DOCK2: variants seen among roughly 807,000 people sequenced by gnomAD.
The protein encoded by DOCK2 is dedicator of cytokinesis 2, also known as dedicator of cytokinesis protein 2.
Under a neutral mutation model 248.9 loss-of-function variants are expected in DOCK2, and 87 were observed. The observed-to-expected ratio is 0.35, with a 90% CI of 0.29 to 0.42. The LOEUF (loss-of-function observed/expected upper bound fraction) is 0.42, where lower values mean the gene tolerates loss of function less well. Ranked by LOEUF, DOCK2 falls within the 10% of genes least tolerant of loss-of-function variation. The pLI is 1.00. For synonymous variants in DOCK2, 805 were observed against 821.6 expected, an observed-to-expected ratio of 0.98 and a Z score of 0.35; for missense variants, 1,747 against 2,300.2, an observed-to-expected ratio of 0.76 and a Z score of 4.92.
chr5:169,959,792 A>G (rs1777009884), intron 27 of DOCK2, among the ~76,000 whole-genome samples: 2 of 152,208 alleles, frequency 1.3e-5, no homozygotes, highest in Non-Finnish European at 2.9e-5. Context: ...ATCTAGAAGT[A>G]GTTCTGTGGA....
chr5:169,684,901 G>C (rs1313165351), intron 8 of DOCK2, among the ~76,000 whole-genome samples: 1 of 152,142 alleles, frequency 6.6e-6, no homozygotes, highest in Non-Finnish European at 1.5e-5. Flanking sequence ...CTCCCACCTT[G>C]GCTTCCCAAA....
intron 26 of DOCK2, among the ~76,000 whole-genome samples, chr5:169,819,050 C>G (rs951139921): frequency 6.6e-6 from 1 of 152,156 alleles, no homozygotes; most frequent in Admixed American, 6.5e-5. Context: ...GAAATGCCTT[C>G]GCTTTTATAT....
At chr5:169,752,934 G>C (rs1387092394) in intron 23 of DOCK2, among the ~76,000 whole-genome samples, 1 of 152,016 alleles carries the variant, frequency 6.6e-6, no homozygotes, top group Non-Finnish European at 1.5e-5. Flanking sequence ...GCGTGGTGGC[G>C]GGTGCCTGTA....
At chr5:169,955,387 A>G (rs1272077964) in intron 27 of DOCK2, among the ~76,000 whole-genome samples, 1 of 151,746 alleles carries the variant, frequency 6.6e-6, no homozygotes, top group Non-Finnish European at 1.5e-5. Flanking sequence ...GTGTTAAAGG[A>G]AGGGAGAGAG....
intron 35 of DOCK2, 80 bp downstream of exon 35, chr5:170,034,635 C>A: frequency 1.3e-6 from 2 of 1,557,790 alleles, no homozygotes; most frequent in Non-Finnish European, 1.7e-6. Context: ...CACGATTGTT[C>A]TTCATAGGGA....
At chr5:169,642,605 A>G (rs1180364379) in intron 1 of DOCK2, among the ~76,000 whole-genome samples, 2 of 152,190 alleles carry the variant, frequency 1.3e-5, no homozygotes, top group Non-Finnish European at 2.9e-5. Flanking sequence ...ACAAAAATAC[A>G]TGGATTAGAC....
At chr5:169,972,665 C>T (rs904580949) in intron 27 of DOCK2, among the ~76,000 whole-genome samples, 1 of 151,096 alleles carries the variant, frequency 6.6e-6, no homozygotes, top group Non-Finnish European at 1.5e-5. Context: ...TAGTCTGAGA[C>T]CTTCAGTGTG....
chr5:169,718,618 TG>T, intron 21 of DOCK2, 38 bp from the exon 22 acceptor site: 1 of 1,596,708 alleles, frequency 6.3e-7, no homozygotes. Flanking sequence ...ATTACCATGA[TG>T]AAAGAGATGT....
At chr5:169,735,600 T>G (rs919058053) in intron 22 of DOCK2, among the ~76,000 whole-genome samples, 1 of 152,264 alleles carries the variant, frequency 6.6e-6, no homozygotes, top group African/African-American at 2.4e-5. Context: ...AGTTTTTATT[T>G]ATTTGTATAA....
rs182671413 is a variant in DOCK2, at chr5:169,772,475, A to G, written c.2554+10850A>G. Among the ~76,000 whole-genome samples, 50 of 152,348 alleles carry G rather than the reference A, an allele frequency of 3.3e-4. No individual in the cohort carries two copies. The East Asian group carries it at 3.9e-3, about 12-fold the overall frequency. ...AACAACATCAGCAGTTGCAACAGCA[A>G]CTGACGTTTATTGACTGCTTATTAT... On this transcript the variant is annotated intron_variant, in intron 25 of 51. Coordinates refer to ENST00000520908, the MANE Select transcript of DOCK2 (RefSeq NM_004946.3).
intron 19 of DOCK2, among the ~76,000 whole-genome samples, chr5:169,714,927 A>C (rs1342006094): frequency 1.3e-5 from 2 of 152,208 alleles, no homozygotes; most frequent in African/African-American, 4.8e-5. Context: ...ATGTATATGC[A>C]TATATATGTA....
At chr5:169,860,147 A>G (rs960675481) in intron 27 of DOCK2, among the ~76,000 whole-genome samples, 2 of 151,558 alleles carry the variant, frequency 1.3e-5, no homozygotes, top group African/African-American at 2.4e-5. Context: ...TAATTGTTTG[A>G]CGGGGTCTCA....
At chr5:169,795,736 A>C (rs955082407) in intron 25 of DOCK2, among the ~76,000 whole-genome samples, 3 of 152,210 alleles carry the variant, frequency 2.0e-5, no homozygotes, top group Non-Finnish European at 2.9e-5. Flanking sequence ...AGTGGCTTTC[A>C]ACATCTGCAA....
chr5:169,947,523 C>G (rs1168941710), intron 27 of DOCK2, among the ~76,000 whole-genome samples: 1 of 152,214 alleles, frequency 6.6e-6, no homozygotes, highest in Non-Finnish European at 1.5e-5. Context: ...CAACTAATAT[C>G]AGATTGACCG....
At chr5:169,788,025 A>G (rs1333048210) in intron 25 of DOCK2, among the ~76,000 whole-genome samples, 1 of 152,110 alleles carries the variant, frequency 6.6e-6, no homozygotes, top group African/African-American at 2.4e-5. Flanking sequence ...TTATTTTCAG[A>G]CATATTTAGC....
At chr5:169,744,182 C>T (rs1763478598) in intron 22 of DOCK2, among the ~76,000 whole-genome samples, 1 of 152,126 alleles carries the variant, frequency 6.6e-6, no homozygotes. Flanking sequence ...AAGAAGAATA[C>T]CAGGTTCTGG....
chr5:169,878,081 C>T (rs1317799348), intron 27 of DOCK2, among the ~76,000 whole-genome samples: 1 of 152,162 alleles, frequency 6.6e-6, no homozygotes, highest in East Asian at 1.9e-4. Flanking sequence ...TCAAAGACCT[C>T]TAAAGAAGCA....
intron 27 of DOCK2, among the ~76,000 whole-genome samples, chr5:169,970,829 C>T (rs551691015): frequency 1.3e-5 from 2 of 152,178 alleles, no homozygotes; most frequent in Non-Finnish European, 2.9e-5. Context: ...TGGGCTCCAC[C>T]AGGCCAGCTC....
intron 26 of DOCK2, among the ~76,000 whole-genome samples, chr5:169,839,709 C>T (rs1275240817): frequency 1.3e-5 from 2 of 152,104 alleles, no homozygotes; most frequent in Non-Finnish European, 2.9e-5. Flanking sequence ...AAATTTCCAC[C>T]CAAGGTGGGT....
Sources: allele counts gnomAD v4.1 joint callset (sites outside exome capture counted in the v4.1 genomes callset), GRCh38; gene constraint gnomAD v4.1.1; transcripts MANE v1.5; gene names NCBI Gene and HGNC (gene_info 2026-07-23, HGNC 2026-07-21).